The following PITPNC1 variants were observed in gnomAD, a reference collection of about 807,000 sequenced individuals.
PITPNC1 encodes the protein phosphatidylinositol transfer protein cytoplasmic 1.
A neutral mutation model predicts 44.7 loss-of-function variants in PITPNC1; 18 were observed. The ratio of observed to expected loss-of-function variants is 0.40; its 90% confidence interval spans 0.28 to 0.60. PITPNC1 has a LOEUF of 0.60. PITPNC1 is among the 20% of genes least tolerant of loss of function. The probability of loss-of-function intolerance (pLI) is 0.39; values close to 1 mark genes in which losing one functional copy is unlikely to be tolerated. For missense variants in PITPNC1, 290 were observed against 418.4 expected, an observed-to-expected ratio of 0.69 and a Z score of 2.68; for synonymous variants, 141 against 149.6, an observed-to-expected ratio of 0.94 and a Z score of 0.42.
At chr17:67,647,482 T>G (rs1598929988) in intron 6 of PITPNC1, among the ~76,000 whole-genome samples, 1 of 128,574 alleles carries the variant, frequency 7.8e-6, no homozygotes, top group African/African-American at 3.4e-5. Context: ...TTTTTTTTTT[T>G]TTTTTTTTTT....
chr17:67,622,380 TCA>T (rs1491192043), intron 5 of PITPNC1, among the ~76,000 whole-genome samples: 69 of 140,316 alleles, frequency 4.9e-4, no homozygotes, highest in African/African-American at 2.1e-3. Flanking sequence ...GATTGTATAT[TCA>T]TATATATATA....
At position 67,403,552 on chromosome 17, in the gene PITPNC1, G is replaced by A. The variant is rs371013524; in HGVS notation, c.48+25350G>A. Among the ~76,000 whole-genome samples, 8 of 152,170 alleles carry A rather than the reference G, an allele frequency of 5.3e-5. No homozygotes were observed. The East Asian group carries it at 1.5e-3, about 29-fold the overall frequency. ...CTTTAAGGGGAAGGGAGAACACAGA[G>A]GGCCAACATTTATGGAACATTCTAG... On this transcript the variant is annotated intron_variant, in intron 1 of 8. Transcript: ENST00000581322.
At chr17:67,482,754 C>T (rs1294151409) in intron 1 of PITPNC1, among the ~76,000 whole-genome samples, 3 of 151,992 alleles carry the variant, frequency 2.0e-5, no homozygotes, top group Non-Finnish European at 4.4e-5. Flanking sequence ...CAAATAAGGC[C>T]CAGATTTGAA....
At chr17:67,501,833 CAAA>C (rs758538682) in intron 1 of PITPNC1, among the ~76,000 whole-genome samples, 1 of 135,210 alleles carries the variant, frequency 7.4e-6, no homozygotes. Flanking sequence ...AACTCTGTCT[CAAA>C]AAAAAAAAAA....
At chr17:67,671,124 G>C (rs1382024285) in intron 7 of PITPNC1, among the ~76,000 whole-genome samples, 1 of 152,156 alleles carries the variant, frequency 6.6e-6, no homozygotes, top group African/African-American at 2.4e-5. Context: ...TTGACCTCCT[G>C]ATCTATCTGC....
At chr17:67,682,682 A>G (rs988940179) in intron 8 of PITPNC1, among the ~76,000 whole-genome samples, 9 of 152,206 alleles carry the variant, frequency 5.9e-5, no homozygotes, top group African/African-American at 2.2e-4. Context: ...CTTTATCAGA[A>G]GAAATACCGT....
At position 67,634,288 on chromosome 17, in the gene PITPNC1, TG is replaced by T. The variant is rs371645543; in HGVS notation, c.462+2054del. 2.3e-3 allele frequency among the ~76,000 whole-genome samples: 351 copies of T among 152,288 alleles called. 1 individual carries two copies. The highest frequency in any genetic ancestry group is 8.1e-3 in the African/African-American group (336 of 41,568). ...CTGAGTGTCACATACAATGTTAAGA[TG>T]GGGATGTCTGGGCATGGTGCCTCAC... On this transcript the variant is annotated intron_variant, in intron 6 of 8. Transcript: ENST00000581322.
chr17:67,465,904 C>T (rs1330279565), intron 1 of PITPNC1, among the ~76,000 whole-genome samples: 2 of 151,700 alleles, frequency 1.3e-5, no homozygotes, highest in African/African-American at 2.4e-5. Context: ...GATGGTAGGG[C>T]GGGGGTAAAT....
intron 1 of PITPNC1, among the ~76,000 whole-genome samples, chr17:67,473,249 G>T (rs1450870660): frequency 6.6e-6 from 1 of 152,006 alleles, no homozygotes; most frequent in Non-Finnish European, 1.5e-5. Context: ...TGCCCATGCT[G>T]GTCTTGAACT....
intron 6 of PITPNC1, chr17:67,638,184 G>A (rs768298973): frequency 1.3e-5 from 2 of 152,240 alleles, no homozygotes; most frequent in African/African-American, 2.4e-5. Flanking sequence ...ACGATAAGTT[G>A]GAGCATGCCT....
chr17:67,435,824 C>T (rs1258680978), intron 1 of PITPNC1, among the ~76,000 whole-genome samples: 7 of 152,100 alleles, frequency 4.6e-5, no homozygotes, highest in Non-Finnish European at 1.0e-4. Flanking sequence ...TGTACTCCAG[C>T]CTGGACAACA....
chr17:67,390,043 CAGAGAG>C (rs10600705), intron 1 of PITPNC1, among the ~76,000 whole-genome samples: 5 of 150,210 alleles, frequency 3.3e-5, no homozygotes, highest in East Asian at 3.9e-4. Context: ...TACCCATGTT[CAGAGAG>C]AGAGAGAGAG....
intron 1 of PITPNC1, among the ~76,000 whole-genome samples, chr17:67,447,829 C>G (rs2039120798): frequency 6.6e-6 from 1 of 151,950 alleles, no homozygotes; most frequent in African/African-American, 2.4e-5. Context: ...GAAATTTTTA[C>G]CTGGGATCCC....
At chr17:67,472,369 C>T (rs1414896211) in intron 1 of PITPNC1, among the ~76,000 whole-genome samples, 13 of 129,486 alleles carry the variant, frequency 1.0e-4, no homozygotes, top group South Asian at 4.9e-4. Flanking sequence ...AAAAAAGGAC[C>T]GGGTGCGGTG....
intron 1 of PITPNC1, among the ~76,000 whole-genome samples, chr17:67,461,530 G>A (rs1201779965): frequency 5.3e-5 from 8 of 152,224 alleles, no homozygotes; most frequent in Non-Finnish European, 1.0e-4. Context: ...GTGTTGGAGG[G>A]TGATGAAGTT....
intron 1 of PITPNC1, among the ~76,000 whole-genome samples, chr17:67,380,123 G>A (rs1159319883): frequency 6.7e-6 from 1 of 150,236 alleles, no homozygotes; most frequent in East Asian, 2.0e-4. Flanking sequence ...TGCCCAGGGT[G>A]GGGCGCAATG....
chr17:67,513,449 A>G (rs1215544883), intron 1 of PITPNC1, among the ~76,000 whole-genome samples: 1 of 146,186 alleles, frequency 6.8e-6, no homozygotes, highest in Non-Finnish European at 1.5e-5. Flanking sequence ...ACATATATGT[A>G]TATATACATA....
Position 67,378,208 on chromosome 17 carries a change from C to A in PITPNC1, c.48+6C>A. ...TGCCGCTCACCGTAGACGAGGTAAG[C>A]GCCGCGCCCGGCCCGGCCTCGCCCG... is the stretch of plus-strand genomic sequence containing the variant. On this transcript the variant is annotated splice_donor_region_variant and intron_variant, in intron 1 of 8. Coordinates refer to ENST00000581322, the MANE Select transcript of PITPNC1 (RefSeq NM_012417.4). 6.6e-7 allele frequency: 1 copy of A among 1,526,602 alleles called. No homozygotes were observed. Among genetic ancestry groups the A allele is most frequent in the Non-Finnish European group, 8.8e-7 (1 of 1,139,810 alleles). 94.6% of individuals were successfully genotyped at this position (1,526,602 alleles called of 1,614,324 possible).
Position 67,632,241 on chromosome 17 carries a change from A to G in PITPNC1, c.462+3A>G. On this transcript the variant is annotated splice_donor_region_variant and intron_variant, in intron 6 of 8. Coordinates refer to ENST00000581322, the MANE Select transcript of PITPNC1 (RefSeq NM_012417.4). ...AGCGCTACTACAAAGAATCTGAGGT[A>G]AGCAACAGTTGGGATGAGATGTGGA... 1 of 1,568,426 alleles carries G rather than the reference A, an allele frequency of 6.4e-7. No homozygotes were observed.
Sources: gnomAD v4.1 joint callset for allele counts (sites outside exome capture counted in the v4.1 genomes callset) on GRCh38, gnomAD v4.1.1 for gene constraint, MANE v1.5 for transcripts, NCBI Gene and HGNC (gene_info 2026-07-23, HGNC 2026-07-21) for gene names.